Variants in CMTM7 observed in about 807,000 individuals in gnomAD.
CMTM7 encodes the protein CKLF like MARVEL transmembrane domain containing 7.
Under a neutral mutation model 19.3 loss-of-function variants are expected in CMTM7, and 7 were observed. The observed-to-expected ratio is 0.36, with a 90% CI of 0.21 to 0.68. The LOEUF (loss-of-function observed/expected upper bound fraction) is 0.68, where lower values mean the gene tolerates loss of function less well. CMTM7 is among the 30% of genes least tolerant of loss of function. The pLI is 0.60. For synonymous variants in CMTM7, 87 were observed against 99.3 expected, an observed-to-expected ratio of 0.88 and a Z score of 0.74; for missense variants, 193 against 232.6, an observed-to-expected ratio of 0.83 and a Z score of 1.11.
intron 1 of CMTM7, among the ~76,000 whole-genome samples, chr3:32,403,765 A>G (rs1696046533): frequency 6.6e-6 from 1 of 152,178 alleles, no homozygotes; most frequent in South Asian, 2.1e-4. Context: ...TGTTGTGATC[A>G]CTGCATTCAG....
chr3:32,431,259 A>T (rs1696514194), intron 1 of CMTM7, among the ~76,000 whole-genome samples: 1 of 152,256 alleles, frequency 6.6e-6, no homozygotes, highest in Non-Finnish European at 1.5e-5. Context: ...CTTGAAACAT[A>T]CAAACATGGA....
intron 1 of CMTM7, among the ~76,000 whole-genome samples, chr3:32,399,269 T>TG (rs1429058047): frequency 2.0e-5 from 3 of 151,938 alleles, no homozygotes; most frequent in African/African-American, 7.3e-5. Flanking sequence ...TTTTGTTTTT[T>TG]TTTTTTTTTG....
intron 1 of CMTM7, among the ~76,000 whole-genome samples, chr3:32,440,970 T>G (rs1388130193): frequency 6.6e-6 from 1 of 152,236 alleles, no homozygotes; most frequent in East Asian, 1.9e-4. Context: ...ATCTGGTTAT[T>G]AATTCAGTAG....
chr3:32,408,460 C>A (rs567837427), intron 1 of CMTM7, among the ~76,000 whole-genome samples: 1 of 152,208 alleles, frequency 6.6e-6, no homozygotes, highest in Non-Finnish European at 1.5e-5. Context: ...CTCAGAATGG[C>A]AATGACATCT....
intron 1 of CMTM7, among the ~76,000 whole-genome samples, chr3:32,435,174 C>T (rs953335900): frequency 1.3e-5 from 2 of 152,146 alleles, no homozygotes; most frequent in Non-Finnish European, 2.9e-5. Context: ...GAGGCCGAGG[C>T]GGGTGGATCA....
At chr3:32,412,094 T>C (rs949465281) in intron 1 of CMTM7, among the ~76,000 whole-genome samples, 2 of 152,242 alleles carry the variant, frequency 1.3e-5, no homozygotes, top group Admixed American at 6.5e-5. Flanking sequence ...AGTGGTTCCA[T>C]TGGGCTTTGC....
chr3:32,427,836 G>T (rs1476811665), intron 1 of CMTM7, among the ~76,000 whole-genome samples: 1 of 152,228 alleles, frequency 6.6e-6, no homozygotes, highest in African/African-American at 2.4e-5. Context: ...TCCTTGGCGT[G>T]ATCTGTGAGC....
intron 1 of CMTM7, among the ~76,000 whole-genome samples, chr3:32,425,514 G>A (rs543713130): frequency 3.5e-4 from 53 of 151,728 alleles, no homozygotes; most frequent in African/African-American, 1.3e-3. Context: ...AAATAAAAGA[G>A]CATTTAATGT....
intron 1 of CMTM7, among the ~76,000 whole-genome samples, chr3:32,427,204 T>A (rs977494512): frequency 2.6e-5 from 4 of 152,206 alleles, no homozygotes; most frequent in Non-Finnish European, 4.4e-5. Flanking sequence ...GTTACTGACT[T>A]CTCCAGACTA....
At position 32,391,992 on chromosome 3, in the gene CMTM7, C is replaced by T; in HGVS notation, c.86C>T (p.Ala29Val). The T allele has an allele frequency of 8.1e-7, 1 of 1,233,778 alleles. No homozygotes were observed. The highest frequency in any genetic ancestry group is 1.0e-6 in the Non-Finnish European group (1 of 987,060). 76.4% of individuals were successfully genotyped at this position (1,233,778 alleles called of 1,614,324 possible). Residue 29 changes from alanine (A) to valine (V), a missense_variant, in exon 1 of 5, where the codon GCG (alanine) becomes GTG (valine). Ala to Val is a moderately conservative substitution (Grantham distance 64). Coordinates refer to ENST00000334983, the MANE Select transcript of CMTM7 (RefSeq NM_138410.4). ...GGGGCCGGCGCGGCCCAGCCCAGCG[C>T]GAGCCCCTTGGAGGGGCTGCTGGAC... ...GPGAGAAQPS[A>V]SPLEGLLDLS... is the part of the protein sequence containing the mutation.
chr3:32,444,821 G>A (rs1364829044), intron 2 of CMTM7, among the ~76,000 whole-genome samples: 1 of 152,144 alleles, frequency 6.6e-6, no homozygotes, highest in Admixed American at 6.5e-5. Context: ...CAAGATCATA[G>A]CTCCCTGCAT....
intron 1 of CMTM7, among the ~76,000 whole-genome samples, chr3:32,404,301 C>T (rs1696058586): frequency 6.6e-6 from 1 of 151,944 alleles, no homozygotes. Context: ...GCTGGGATTA[C>T]AGGTGCATGC....
intron 1 of CMTM7, among the ~76,000 whole-genome samples, chr3:32,439,678 C>G (rs1161966962): frequency 6.6e-6 from 1 of 152,222 alleles, no homozygotes; most frequent in Non-Finnish European, 1.5e-5. Context: ...GTCTCAAACT[C>G]CTGGCTTCAG....
intron 1 of CMTM7, among the ~76,000 whole-genome samples, chr3:32,413,159 A>G (rs1696204936): frequency 6.6e-6 from 1 of 152,220 alleles, no homozygotes; most frequent in African/African-American, 2.4e-5. Context: ...GTGGAGTTGC[A>G]ATAAAGATTG....
intron 1 of CMTM7, among the ~76,000 whole-genome samples, chr3:32,394,367 C>T (rs1222752298): frequency 6.6e-6 from 1 of 152,206 alleles, no homozygotes; most frequent in Non-Finnish European, 1.5e-5. Flanking sequence ...CCATCAGTTT[C>T]TCAGTTTCAT....
intron 1 of CMTM7, among the ~76,000 whole-genome samples, chr3:32,407,757 G>A (rs974191855): frequency 6.6e-6 from 1 of 152,160 alleles, no homozygotes; most frequent in Non-Finnish European, 1.5e-5. Context: ...CATCCCCTGG[G>A]CCTGATGGGG....
rs1039827007 is a variant in CMTM7, at chr3:32,432,561, C to T, written c.160-9279C>T. Among the ~76,000 whole-genome samples, 6 of 152,174 alleles carry T rather than the reference C, an allele frequency of 3.9e-5. No individual in the cohort carries two copies. The South Asian group carries it at 8.3e-4, about 21-fold the overall frequency. ...AGCCCTGAAGAGGTGCCTGCTGAGC[C>T]GGGCTGCCTGGGTCCCAGCTCTGGC... On this transcript the variant is annotated intron_variant, in intron 1 of 4. Coordinates refer to ENST00000334983, the MANE Select transcript of CMTM7 (RefSeq NM_138410.4).
chr3:32,442,612 C>T (rs73066790), intron 2 of CMTM7, among the ~76,000 whole-genome samples: 3,599 of 150,924 alleles, frequency 0.024, 88 homozygotes, highest in African/African-American at 0.058. Flanking sequence ...AAAAGGAACA[C>T]GGAAGGAAAT....
chr3:32,426,817 A>AT (rs201646469), intron 1 of CMTM7, among the ~76,000 whole-genome samples: 44 of 152,076 alleles, frequency 2.9e-4, no homozygotes, highest in Middle Eastern at 3.4e-3. Flanking sequence ...AAGGATATGC[A>AT]TTTTTTTTAG....
Sources: gnomAD v4.1 joint callset for allele counts (sites outside exome capture counted in the v4.1 genomes callset) on GRCh38, gnomAD v4.1.1 for gene constraint, MANE v1.5 for transcripts, NCBI Gene and HGNC (gene_info 2026-07-23, HGNC 2026-07-21) for gene names.